The following DGKG variants were observed in gnomAD, a reference collection of about 807,000 sequenced individuals.
DGKG encodes DAG kinase gamma.
DGKG carries 78 observed loss-of-function variants against 105.3 expected under a neutral mutation model. The ratio of observed to expected loss-of-function variants is 0.74; its 90% CI spans 0.62 to 0.89. The LOEUF is 0.89. DGKG is among the 40% of genes least tolerant of loss of function. The pLI is 0.00. For missense variants in DGKG, 958 were observed against 1,020.1 expected (o/e 0.94, Z 0.83); for synonymous variants, 346 against 367.1 (o/e 0.94, Z 0.66).
intron 21 of DGKG, among the ~76,000 whole-genome samples, chr3:186,191,423 C>T (rs1202721384): frequency 2.0e-5 from 3 of 152,220 alleles, no homozygotes; most frequent in Admixed American, 6.5e-5. Flanking sequence ...AGAACCTACT[C>T]TGTTTTCTGG....
chr3:186,308,850 C>T (rs1724381868), intron 2 of DGKG, among the ~76,000 whole-genome samples: 1 of 152,174 alleles, frequency 6.6e-6, no homozygotes, highest in African/African-American at 2.4e-5. Context: ...GTACTAATAG[C>T]TGTCCCTTAC....
intron 21 of DGKG, among the ~76,000 whole-genome samples, chr3:186,201,602 C>T (rs902317187): frequency 1.3e-4 from 20 of 152,154 alleles, no homozygotes; most frequent in South Asian, 2.1e-4. Flanking sequence ...TCACTCACTG[C>T]GCAGTTAGGA....
At chr3:186,298,743 G>A (rs1432075344) in intron 3 of DGKG, among the ~76,000 whole-genome samples, 1 of 152,150 alleles carries the variant, frequency 6.6e-6, no homozygotes, top group East Asian at 1.9e-4. Flanking sequence ...GTACCATGAC[G>A]GATGTGATGC....
At chr3:186,175,006 G>C (rs975512986) in intron 22 of DGKG, among the ~76,000 whole-genome samples, 3 of 152,188 alleles carry the variant, frequency 2.0e-5, no homozygotes, top group Non-Finnish European at 4.4e-5. Context: ...GAGGAGGAGA[G>C]GCCTGCAGAG....
intron 23 of DGKG, among the ~76,000 whole-genome samples, chr3:186,164,453 A>T (rs1245839837): frequency 1.3e-5 from 2 of 152,224 alleles, no homozygotes; most frequent in African/African-American, 4.8e-5. Flanking sequence ...CTTAGCATAC[A>T]AAGGTGTATA....
At chr3:186,236,095 G>C (rs1490606851) in intron 20 of DGKG, among the ~76,000 whole-genome samples, 1 of 152,184 alleles carries the variant, frequency 6.6e-6, no homozygotes, top group African/African-American at 2.4e-5. Context: ...CATGGAGCCA[G>C]TGAAGGGGAT....
chr3:186,170,346 AC>A (rs1425823921), intron 22 of DGKG, among the ~76,000 whole-genome samples: 2 of 152,168 alleles, frequency 1.3e-5, no homozygotes, highest in Non-Finnish European at 2.9e-5. Flanking sequence ...CTGGTCCTGG[AC>A]CGGCAGCCTC....
At chr3:186,358,413 C>T (rs549083328) in intron 1 of DGKG, among the ~76,000 whole-genome samples, 1 of 152,280 alleles carries the variant, frequency 6.6e-6, no homozygotes, top group South Asian at 2.1e-4. Context: ...TCCAGGGCTA[C>T]TAAACCCACT....
At chr3:186,165,055 C>T (rs776338738) in intron 22 of DGKG, 37 bp from the exon 23 acceptor site, 11 of 1,588,662 alleles carry the variant, frequency 6.9e-6, no homozygotes, top group Non-Finnish European at 8.6e-6. Context: ...GCATACACAT[C>T]TCTGTGTTCC....
At chr3:186,310,407 AC>A (rs1484745664) in intron 2 of DGKG, among the ~76,000 whole-genome samples, 1 of 152,058 alleles carries the variant, frequency 6.6e-6, no homozygotes, top group Non-Finnish European at 1.5e-5. Context: ...TAGTATCAAT[AC>A]CCTTTAAAAA....
At chr3:186,192,871 A>C (rs1430962729) in intron 21 of DGKG, among the ~76,000 whole-genome samples, 2 of 152,212 alleles carry the variant, frequency 1.3e-5, no homozygotes, top group Non-Finnish European at 2.9e-5. Flanking sequence ...TTGTTTTTTA[A>C]AAAAGTACAT....
intron 20 of DGKG, among the ~76,000 whole-genome samples, chr3:186,228,402 TG>T (rs1366196652): frequency 2.0e-5 from 3 of 152,214 alleles, no homozygotes; most frequent in African/African-American, 4.8e-5. Context: ...AAAGTCCCAG[TG>T]TTTCTAGGAG....
At chr3:186,326,751 G>A (rs1725363698) in intron 1 of DGKG, among the ~76,000 whole-genome samples, 1 of 152,164 alleles carries the variant, frequency 6.6e-6, no homozygotes, top group South Asian at 2.1e-4. Context: ...CAAAAGTTAC[G>A]TAGGTTAGTT....
chr3:186,276,738 C>T (rs544533014), intron 9 of DGKG, among the ~76,000 whole-genome samples: 1 of 152,198 alleles, frequency 6.6e-6, no homozygotes, highest in East Asian at 1.9e-4. Flanking sequence ...CATGTGCTAT[C>T]CCTGAACTTT....
intron 5 of DGKG, among the ~76,000 whole-genome samples, chr3:186,293,797 G>A (rs1362444258): frequency 1.3e-5 from 2 of 152,228 alleles, no homozygotes; most frequent in African/African-American, 2.4e-5. Context: ...GATTGAAGGT[G>A]AGTCCAGGGC....
At chr3:186,353,582 TATATATATAC>T (rs1483302640) in intron 1 of DGKG, among the ~76,000 whole-genome samples, 5 of 143,014 alleles carry the variant, frequency 3.5e-5, no homozygotes, top group African/African-American at 1.0e-4. Flanking sequence ...TATATATATA[TATATATATAC>T]ACACACACAC....
chr3:186,265,749 G>A (rs1722025801), intron 13 of DGKG, among the ~76,000 whole-genome samples: 1 of 131,872 alleles, frequency 7.6e-6, no homozygotes, highest in Non-Finnish European at 1.6e-5. Flanking sequence ...TGCAAGCTCC[G>A]CCTCCTGGGT....
chr3:186,268,695 C>G (rs537604090), intron 12 of DGKG, 106 bp downstream of exon 12: 364 of 771,962 alleles, frequency 4.7e-4, no homozygotes, highest in Non-Finnish European at 6.2e-4. Flanking sequence ...AGCCTCGCTC[C>G]CCTGGCTTTG....
intron 22 of DGKG, among the ~76,000 whole-genome samples, chr3:186,179,599 C>T (rs1717260429): frequency 6.6e-6 from 1 of 152,182 alleles, no homozygotes; most frequent in Non-Finnish European, 1.5e-5. Context: ...ATGTAGAAAA[C>T]ATCACAGTTT....
Sources: gnomAD v4.1 joint callset for allele counts (sites outside exome capture counted in the v4.1 genomes callset) on GRCh38, gnomAD v4.1.1 for gene constraint, MANE v1.5 for transcripts, NCBI Gene and HGNC (gene_info 2026-07-23, HGNC 2026-07-21) for gene names.